Variants in SLC13A3 observed in about 807,000 individuals in gnomAD.
SLC13A3 encodes solute carrier family 13 member 3, also known as Na(+)/dicarboxylate cotransporter 3.
Under a neutral mutation model 59.0 loss-of-function variants are expected in SLC13A3, and 40 were observed. The observed-to-expected ratio is 0.68, with a 90% CI of 0.53 to 0.88. The LOEUF is 0.88. Ranked by LOEUF, SLC13A3 falls within the 40% of genes least tolerant of loss-of-function variation. SLC13A3 has a pLI of 0.00. For synonymous variants in SLC13A3, 317 were observed against 330.3 expected, an observed-to-expected ratio of 0.96 and a Z score of 0.44; for missense variants, 699 against 783.2, an observed-to-expected ratio of 0.89 and a Z score of 1.28.
At chr20:46,669,031 G>C (rs530357332) in intron 1 of SLC13A3, among the ~76,000 whole-genome samples, 1 of 152,290 alleles carries the variant, frequency 6.6e-6, no homozygotes, top group Admixed American at 6.5e-5. Flanking sequence ...GACAGATAAG[G>C]AAACTGAGAC....
intron 1 of SLC13A3, among the ~76,000 whole-genome samples, chr20:46,643,786 G>A (rs2062868333): frequency 6.6e-6 from 1 of 152,202 alleles, no homozygotes; most frequent in South Asian, 2.1e-4. Context: ...GCTCGTGCCT[G>A]TAATCCCAGA....
intron 1 of SLC13A3, among the ~76,000 whole-genome samples, chr20:46,645,566 C>T (rs1418238677): frequency 6.6e-6 from 1 of 152,198 alleles, no homozygotes; most frequent in Non-Finnish European, 1.5e-5. Flanking sequence ...AAAGCCAACT[C>T]CAGAAGACTT....
chr20:46,584,821 G>A (rs1485234939), intron 8 of SLC13A3, among the ~76,000 whole-genome samples: 1 of 152,118 alleles, frequency 6.6e-6, no homozygotes, highest in Non-Finnish European at 1.5e-5. Flanking sequence ...CACAGATTAT[G>A]TGCAACGATG....
Position 46,591,193 on chromosome 20 carries a change from T to TAAATAAATAAAC in SLC13A3, c.920+1210_920+1211insGTTTATTTATTT, listed in dbSNP as rs1287012757. On this transcript the variant is annotated intron_variant, in intron 6 of 12. Coordinates refer to ENST00000279027, the MANE Select transcript of SLC13A3 (RefSeq NM_022829.6). Reference sequence around the variant, plus strand: ...ATAAATAAATAAATAAATAAATAAATAAACAAACAAACAAAAATCTGTCAC... The same window carrying TAAATAAATAAAC: ...ATAAATAAATAAATAAATAAATAAATAAATAAATAAACAAACAAACAAACAAAAATCTGTCAC... 4.7e-3 allele frequency among the ~76,000 whole-genome samples: 658 copies of TAAATAAATAAAC among 140,996 alleles called. 3 individuals carry two copies. Among genetic ancestry groups the TAAATAAATAAAC allele is most frequent in the African/African-American group, 0.017 (628 of 37,942 alleles). 92.5% of individuals were successfully genotyped at this position (140,996 alleles called of 152,430 possible). A position where few individuals can be genotyped will look rare whatever the true frequency, so the allele number is the denominator to read the frequency against.
At chr20:46,674,610 T>C (rs867882852), upstream of SLC13A3, among the ~76,000 whole-genome samples, 683 of 137,944 alleles carry the variant, frequency 5.0e-3, 9 homozygotes, top group African/African-American at 0.018. Context: ...CGCGCGTGTG[T>C]GTGTGTGTGT....
intron 3 of SLC13A3, among the ~76,000 whole-genome samples, chr20:46,608,122 A>G (rs2062453842): frequency 6.6e-6 from 1 of 152,176 alleles, no homozygotes; most frequent in African/African-American, 2.4e-5. Context: ...AAGAAAGCCA[A>G]TATTGTACAG....
At chr20:46,604,090 A>C (rs961123743) in intron 3 of SLC13A3, among the ~76,000 whole-genome samples, 2 of 152,176 alleles carry the variant, frequency 1.3e-5, no homozygotes, top group African/African-American at 4.8e-5. Flanking sequence ...AAAACAGAGC[A>C]TAGGGAATGA....
At chr20:46,677,311 A>G (rs1248295471) in intron 1 of SLC13A3, among the ~76,000 whole-genome samples, 1 of 152,140 alleles carries the variant, frequency 6.6e-6, no homozygotes, top group Non-Finnish European at 1.5e-5. Context: ...CACCCACATA[A>G]CCAGCATCAA....
chr20:46,613,657 TGA>T lies in SLC13A3; in HGVS notation c.178_179del (p.Val61AspfsTer43). ...VYWCTEALPL[S>X]VTALLPIVLF... Reference sequence around the variant, plus strand: ...GGACGATGGGCAGCAGCGCCGTCACTGAGAGCGGCAGGGCCTCCGTGCACCAG... The same window carrying T: ...GGACGATGGGCAGCAGCGCCGTCACTGAGCGGCAGGGCCTCCGTGCACCAG... On this transcript the variant is annotated frameshift_variant, in exon 2 of 13. Transcript: ENST00000279027. LOFTEE classifies it high-confidence loss of function. The T allele has an allele frequency of 1.2e-6, 2 of 1,612,482 alleles. No individual in the cohort carries two copies. Among genetic ancestry groups the T allele is most frequent in the Non-Finnish European group, 1.7e-6 (2 of 1,179,364 alleles).
rs112966443 is a variant in SLC13A3, at chr20:46,602,681, G to A, written c.542-2644C>T. ...GGTGGAAGGGCAAAGTACTACTGGC[G>A]TCTATTAGTTAGAGACCAGAAATGC... On this transcript the variant is annotated intron_variant, in intron 3 of 12. Transcript: ENST00000279027. Among the ~76,000 whole-genome samples, 214 of 152,262 alleles carry A rather than the reference G, an allele frequency of 1.4e-3. 1 individual carries two copies. The highest frequency in any genetic ancestry group is 4.7e-3 in the African/African-American group (197 of 41,548).
rs150847014 is a variant in SLC13A3, at chr20:46,580,182, G to A, written c.1219+3390C>T. ...TGTTGGCCAGGCTGCTCTTAGACTCGTGACCTCAGGTGATCCACCCACCTA... is the reference window on the plus strand; with the variant it reads ...TGTTGGCCAGGCTGCTCTTAGACTCATGACCTCAGGTGATCCACCCACCTA... On this transcript the variant is annotated intron_variant, in intron 9 of 12. Transcript: ENST00000279027. Among the ~76,000 whole-genome samples the A allele has an allele frequency of 6.3e-3, 961 of 152,128 alleles. 6 individuals are homozygous for A. The highest frequency in any genetic ancestry group is 9.9e-3 in the Non-Finnish European group (673 of 67,990).
At chr20:46,566,205 C>G (rs1221807658) in intron 11 of SLC13A3, 24 bp downstream of exon 11, 1 of 1,603,954 alleles carries the variant, frequency 6.2e-7, no homozygotes, top group Non-Finnish European at 8.5e-7. Flanking sequence ...GGGGTGCTCC[C>G]CTCTTCCCCA....
At chr20:46,616,860 C>T (rs560157896) in intron 1 of SLC13A3, among the ~76,000 whole-genome samples, 3 of 152,162 alleles carry the variant, frequency 2.0e-5, no homozygotes, top group Non-Finnish European at 4.4e-5. Context: ...TGGGAACAAT[C>T]GGTTTCCACA....
upstream of SLC13A3, among the ~76,000 whole-genome samples, chr20:46,672,364 G>A (rs1568966131): frequency 2.0e-5 from 3 of 152,210 alleles, no homozygotes; most frequent in African/African-American, 7.2e-5. Context: ...ATGGCAACAG[G>A]AGTATGGATT....
chr20:46,648,178 G>A (rs535026298), intron 1 of SLC13A3, among the ~76,000 whole-genome samples: 1 of 152,058 alleles, frequency 6.6e-6, no homozygotes, highest in African/African-American at 2.4e-5. Flanking sequence ...TACTGTGCTT[G>A]CTTTAACCCA....
At chr20:46,611,696 T>C (rs1210351761) in intron 2 of SLC13A3, among the ~76,000 whole-genome samples, 2 of 152,190 alleles carry the variant, frequency 1.3e-5, no homozygotes, top group East Asian at 3.9e-4. Flanking sequence ...CTACTGTCTC[T>C]TGTCGGGACA....
intron 1 of SLC13A3, among the ~76,000 whole-genome samples, chr20:46,632,908 G>GCT (rs1555881868): frequency 0.058 from 1,979 of 33,898 alleles, 74 homozygotes; most frequent in Admixed American, 0.11. Context: ...TAGATAGATA[G>GCT]ATATATCTAT....
At chr20:46,651,605 G>T (rs920885148), upstream of SLC13A3, 1 of 1,238,176 alleles carries the variant, frequency 8.1e-7, no homozygotes, top group South Asian at 2.3e-5. Context: ...GCCCGGGAAC[G>T]TTGGAGAAAG....
Position 46,607,918 on chromosome 20 carries a change from G to A in SLC13A3, c.541+2528C>T, listed in dbSNP as rs542223288. ...TTGCTCCGTCTCATTCAGATATGAG[G>A]TCCACCTAAGAGTCCGCGCATAAAC... On this transcript the variant is annotated intron_variant, in intron 3 of 12. Transcript: ENST00000279027. 2.0e-4 allele frequency among the ~76,000 whole-genome samples: 31 copies of A among 152,248 alleles called. 1 individual carries two copies. The South Asian group carries it at 4.8e-3, about 23-fold the overall frequency.
Sources: gnomAD v4.1 joint callset for allele counts (sites outside exome capture counted in the v4.1 genomes callset) on GRCh38, gnomAD v4.1.1 for gene constraint, MANE v1.5 for transcripts, NCBI Gene and HGNC (gene_info 2026-07-23, HGNC 2026-07-21) for gene names.